AAGAB: variants seen among roughly 807,000 people sequenced by gnomAD.
AAGAB encodes the protein alpha- and gamma-adaptin-binding protein p34.
AAGAB carries 38 observed loss-of-function variants against 44.1 expected under a neutral mutation model. That is an observed-to-expected ratio of 0.86 (90% CI 0.67 to 1.13). AAGAB has a LOEUF of 1.13. Among genes scored for constraint, AAGAB ranks in the 50% most tolerant of loss-of-function variants. The pLI is 0.00. For missense variants in AAGAB, 450 were observed against 373.8 expected, an observed-to-expected ratio of 1.20 and a Z score of -1.68; for synonymous variants, 131 against 131.8, an observed-to-expected ratio of 0.99 and a Z score of 0.04.
In AAGAB at chr15:67,228,005, G is replaced by A. The variant is rs1009166363; in HGVS notation, c.535+3809C>T. ...AAAGAACCATGAAAAAATCCACAAT[G>A]TACCTCCTTGCTTTGCAGTTCTTTT... On this transcript the variant is annotated intron_variant, in intron 5 of 9. Coordinates refer to ENST00000261880, the MANE Select transcript of AAGAB (RefSeq NM_024666.5). Among the ~76,000 whole-genome samples the A allele has an allele frequency of 7.9e-5, 12 of 152,178 alleles. No individual in the cohort carries two copies. In the East Asian group the frequency reaches 2.1e-3, roughly 27 times the overall value.
intron 5 of AAGAB, among the ~76,000 whole-genome samples, chr15:67,216,115 A>G (rs1469695477): frequency 3.3e-5 from 5 of 152,100 alleles, no homozygotes; most frequent in Admixed American, 3.3e-4. Flanking sequence ...TAATATATTC[A>G]TTGTAGAAAA....
In AAGAB at chr15:67,231,860, G is replaced by A. The variant is rs2140373163; in HGVS notation, c.489C>T (p.Val163=). 2 of 1,612,496 alleles carry A rather than the reference G, an allele frequency of 1.2e-6. No individual in the cohort carries two copies. The highest frequency in any genetic ancestry group is 8.5e-7 in the Non-Finnish European group (1 of 1,178,788). ...ACCACACATTGGCATTCAGGGCTTGGACAATTCGCTTTACTCCTGTAGATT... is the reference window on the plus strand; with the variant it reads ...ACCACACATTGGCATTCAGGGCTTGAACAATTCGCTTTACTCCTGTAGATT... ...FPESTGVKRI[V]QALNANVWSN... Residue 163 remains valine (V), a synonymous_variant, in exon 5 of 10, where the codon GTC becomes GTT. Coordinates refer to ENST00000261880, the MANE Select transcript of AAGAB (RefSeq NM_024666.5).
chr15:67,205,715 T>C (rs1032871255), intron 7 of AAGAB, among the ~76,000 whole-genome samples: 3 of 152,138 alleles, frequency 2.0e-5, no homozygotes, highest in African/African-American at 7.2e-5. Context: ...TTGCTGGCCT[T>C]TGCACAGAGC....
chr15:67,204,877 T>G (rs983977909), intron 7 of AAGAB, among the ~76,000 whole-genome samples: 37 of 152,248 alleles, frequency 2.4e-4, no homozygotes, highest in African/African-American at 8.2e-4. Context: ...GAATTCTTTC[T>G]ACACTTATTG....
At position 67,202,219 on chromosome 15, in the gene AAGAB, T is replaced by A. The variant is rs1963584773; in HGVS notation, c.*602A>T. On this transcript the variant is annotated 3_prime_UTR_variant, in exon 10 of 10. Coordinates refer to ENST00000261880, the MANE Select transcript of AAGAB (RefSeq NM_024666.5). ...ACAGTCTAAAAATCCACACTGGCTT[T>A]TTGATTCTTTCTAGCATGAGCTCAG... 6.6e-6 allele frequency: 1 copy of A among 152,662 alleles called. No homozygotes were observed. Among genetic ancestry groups the A allele is most frequent in the African/African-American group, 2.4e-5 (1 of 41,572 alleles). The allele number at this position is 152,662 out of a possible 1,614,324, so 9.5% of individuals were successfully genotyped here.
At chr15:67,253,637 C>T (rs1964958086) in intron 1 of AAGAB, among the ~76,000 whole-genome samples, 1 of 151,718 alleles carries the variant, frequency 6.6e-6, no homozygotes, top group African/African-American at 2.4e-5. Flanking sequence ...GCCTGCAGTC[C>T]CAGTTGCTCG....
chr15:67,211,812 CAA>C (rs1345529570), intron 5 of AAGAB, among the ~76,000 whole-genome samples: 1 of 152,044 alleles, frequency 6.6e-6, no homozygotes, highest in African/African-American at 2.4e-5. Context: ...GAGTGCAACT[CAA>C]AGAATAATGC....
At chr15:67,251,064 C>A (rs1964856261) in intron 1 of AAGAB, among the ~76,000 whole-genome samples, 1 of 152,034 alleles carries the variant, frequency 6.6e-6, no homozygotes, top group South Asian at 2.1e-4. Flanking sequence ...AAAAAATCTA[C>A]CCCGTCAGTA....
intron 1 of AAGAB, among the ~76,000 whole-genome samples, chr15:67,247,716 A>G (rs1964761222): frequency 1.3e-5 from 2 of 152,226 alleles, no homozygotes; most frequent in Admixed American, 1.3e-4. Context: ...CGAAAAGTCA[A>G]ATTCTCTACT....
At chr15:67,216,146 A>G (rs1299007501) in intron 5 of AAGAB, among the ~76,000 whole-genome samples, 1 of 152,134 alleles carries the variant, frequency 6.6e-6, no homozygotes, top group East Asian at 1.9e-4. Context: ...AGAGAAAAGT[A>G]TAAAGAAGAA....
chr15:67,206,895 G>C (rs1032567781), intron 7 of AAGAB, among the ~76,000 whole-genome samples: 1 of 152,166 alleles, frequency 6.6e-6, no homozygotes, highest in African/African-American at 2.4e-5. Flanking sequence ...TAGAAAGCAA[G>C]ATCTGGCCAG....
At chr15:67,238,231 G>A (rs1472157689) in intron 1 of AAGAB, among the ~76,000 whole-genome samples, 1 of 152,000 alleles carries the variant, frequency 6.6e-6, no homozygotes, top group Admixed American at 6.6e-5. Flanking sequence ...TTAACAGAAG[G>A]TCTATGTCAA....
intron 5 of AAGAB, among the ~76,000 whole-genome samples, chr15:67,214,878 G>A (rs554732980): frequency 1.3e-5 from 2 of 151,978 alleles, no homozygotes; most frequent in African/African-American, 4.8e-5. Context: ...CTGACCTCGT[G>A]ATCTGCCCGC....
intron 5 of AAGAB, among the ~76,000 whole-genome samples, chr15:67,224,738 G>A (rs1374663221): frequency 6.6e-6 from 1 of 151,742 alleles, no homozygotes; most frequent in East Asian, 1.9e-4. Context: ...GCACCACCAC[G>A]CCTAGCTAAC....
At position 67,231,890 on chromosome 15, in the gene AAGAB, G is replaced by C; in HGVS notation, c.459C>G (p.Phe153Leu). Residue 153 changes from phenylalanine to leucine, a missense_variant, in exon 5 of 10, where the codon TTC becomes TTG. Physicochemically the swap from Phe to Leu is conservative, Grantham distance 22 (BLOSUM62 0). Coordinates refer to ENST00000261880, the MANE Select transcript of AAGAB (RefSeq NM_024666.5). ...TTCGCTTTACTCCTGTAGATTCTGG[G>C]AAGTCATCTAATCAGGGAGGGGAAA... ...PEELPEEDDD[F>L]PESTGVKRIV... 1 of 1,608,368 alleles carries C rather than the reference G, an allele frequency of 6.2e-7. No individual in the cohort carries two copies. The highest frequency in any genetic ancestry group is 8.5e-7 in the Non-Finnish European group (1 of 1,175,198).
At chr15:67,222,282 A>ACACACACACACACACACCCCC (rs796412643) in intron 5 of AAGAB, among the ~76,000 whole-genome samples, 1 of 139,850 alleles carries the variant, frequency 7.2e-6, no homozygotes, top group Non-Finnish European at 1.6e-5. Context: ...ACACACACAC[A>ACACACACACACACACACCCCC]CCCTCCACCC....
Position 67,201,124 on chromosome 15 carries a change from T to C in AAGAB, c.*1697A>G, listed in dbSNP as rs1963560066. ...GTCTGGTCTGTTTTTTCTAACCAGA[T>C]GGCCTAGTATATTTTCTAAAACCTT... is the stretch of plus-strand genomic sequence containing the variant. On this transcript the variant is annotated 3_prime_UTR_variant, in exon 10 of 10. Coordinates refer to ENST00000261880, the MANE Select transcript of AAGAB (RefSeq NM_024666.5). 2 of 152,224 alleles carry C rather than the reference T, an allele frequency of 1.3e-5. No individual in the cohort carries two copies. The highest frequency in any genetic ancestry group is 4.8e-5 in the African/African-American group (2 of 41,414). The allele number at this position is 152,224 out of a possible 1,614,324, so 9.4% of individuals were successfully genotyped here.
At chr15:67,222,136 T>C (rs765961077) in intron 5 of AAGAB, among the ~76,000 whole-genome samples, 2 of 152,090 alleles carry the variant, frequency 1.3e-5, no homozygotes, top group Non-Finnish European at 2.9e-5. Flanking sequence ...TTATAATTAA[T>C]CTCTTATATA....
chr15:67,215,835 C>T (rs1324562469), intron 5 of AAGAB, among the ~76,000 whole-genome samples: 1 of 152,234 alleles, frequency 6.6e-6, no homozygotes, highest in Admixed American at 6.5e-5. Context: ...AAAATAATTA[C>T]GAGAATCAAT....
Sources: gnomAD v4.1 joint callset for allele counts (sites outside exome capture counted in the v4.1 genomes callset) on GRCh38, gnomAD v4.1.1 for gene constraint, MANE v1.5 for transcripts, NCBI Gene and HGNC (gene_info 2026-07-23, HGNC 2026-07-21) for gene names.